NTRK1: variants seen among roughly 807,000 people sequenced by gnomAD.
NTRK1 encodes the protein neurotrophic receptor tyrosine kinase 1.
A neutral mutation model predicts 86.8 loss-of-function variants in NTRK1; 62 were observed. The ratio of observed to expected loss-of-function variants is 0.71; its 90% CI spans 0.58 to 0.88. The LOEUF (loss-of-function observed/expected upper bound fraction) is 0.88, where lower values mean the gene tolerates loss of function less well. Ranked by LOEUF, NTRK1 falls within the 40% of genes least tolerant of loss-of-function variation. The probability of loss-of-function intolerance (pLI) is 0.00; values close to 1 mark genes in which losing one functional copy is unlikely to be tolerated. For synonymous variants in NTRK1, 469 were observed against 456.6 expected, an observed-to-expected ratio of 1.03 and a Z score of -0.35; for missense variants, 967 against 1,078.4, an observed-to-expected ratio of 0.90 and a Z score of 1.45.
intron 1 of NTRK1, among the ~76,000 whole-genome samples, chr1:156,818,530 T>C: frequency 6.6e-6 from 1 of 152,196 alleles, no homozygotes; most frequent in Non-Finnish European, 1.5e-5. Context: ...CATGCCTTTG[T>C]GTCCTCATAG....
At chr1:156,858,715 G>T, upstream of NTRK1, 1 of 1,034,376 alleles carries the variant, frequency 9.7e-7, no homozygotes, top group Non-Finnish European at 1.5e-6. Context: ...AGAGACCAGG[G>T]TTCAGATAGG....
At chr1:156,863,172 G>T (rs752222685) in intron 1 of NTRK1, among the ~76,000 whole-genome samples, 2 of 152,120 alleles carry the variant, frequency 1.3e-5, no homozygotes, top group African/African-American at 4.8e-5. Flanking sequence ...GCCCCAGGGC[G>T]TCAGCTGTCC....
chr1:156,826,970 G>A (rs994503626), intron 1 of NTRK1, among the ~76,000 whole-genome samples: 4 of 152,116 alleles, frequency 2.6e-5, no homozygotes, highest in Non-Finnish European at 4.4e-5. Flanking sequence ...TAGTAAACAC[G>A]GATTCTATGC....
At chr1:156,842,158 T>C (rs1654818830) in exon 2 of NTRK1, 5 of 1,614,102 alleles carry the variant, frequency 3.1e-6, no homozygotes, top group Non-Finnish European at 4.2e-6. Flanking sequence ...AGTTGCGGGC[T>C]GCTAGATCTC....
chr1:156,830,535 A>AGAGGTTGT (rs886425300), intron 1 of NTRK1, among the ~76,000 whole-genome samples: 2 of 146,266 alleles, frequency 1.4e-5, no homozygotes, highest in African/African-American at 5.1e-5. Context: ...TTTCTAGAAG[A>AGAGGTTGT]GAGGTTGTGG....
intron 2 of NTRK1, among the ~76,000 whole-genome samples, chr1:156,850,613 G>A (rs762069470): frequency 8.7e-5 from 12 of 137,542 alleles, no homozygotes; most frequent in Admixed American, 4.9e-4. Context: ...GGAGTGCAGT[G>A]GCACGATTTC....
In NTRK1 at chr1:156,854,295, T is replaced by C. The variant is rs751058920; in HGVS notation, c.51-10059T>C. The C allele has an allele frequency of 6.2e-7, 1 of 1,609,632 alleles. No homozygotes were observed. Among genetic ancestry groups the C allele is most frequent in the South Asian group, 1.1e-5 (1 of 90,672 alleles). On this transcript the variant is annotated intron_variant, in intron 2 of 16. Coordinates refer to the NTRK1 transcript ENST00000392302. The surrounding 1 kb of genome is among the most constrained non-coding windows in gnomAD (Gnocchi z 4.2). ...GCCACCTCTGAGCGAATATCCAGGC[T>C]GGGGCACACTGTGGGCATACACGGC...
upstream of NTRK1, among the ~76,000 whole-genome samples, chr1:156,860,561 C>T (rs1655589745): frequency 2.6e-5 from 4 of 152,254 alleles, no homozygotes; most frequent in Admixed American, 6.5e-5. Context: ...CTTCCCTCCT[C>T]CCCAAATGTA....
At chr1:156,829,065 C>T (rs1654397700) in intron 1 of NTRK1, among the ~76,000 whole-genome samples, 1 of 152,188 alleles carries the variant, frequency 6.6e-6, no homozygotes, top group Non-Finnish European at 1.5e-5. Flanking sequence ...CAGCCTTGCT[C>T]TCTGGGAGCC....
rs1655011108 is a variant in NTRK1 at position 156,846,447 on chromosome 1, T to G, written c.50+4254T>G. The G allele has an allele frequency of 4.0e-6, 5 of 1,261,664 alleles. No individual in the cohort carries two copies. The South Asian group carries it at 6.3e-5, about 16-fold the overall frequency. 78.2% of individuals were successfully genotyped at this position (1,261,664 alleles called of 1,614,324 possible). ...TGTTCAGTGCCCCGGCTTCTCTATT[T>G]CTGGTGCCTGTGCTCCCCTGTTCTC... On this transcript the variant is annotated intron_variant, in intron 2 of 16. Coordinates refer to the NTRK1 transcript ENST00000392302.
intron 1 of NTRK1, among the ~76,000 whole-genome samples, chr1:156,818,177 A>G (rs754549697): frequency 6.6e-6 from 1 of 152,228 alleles, no homozygotes; most frequent in Non-Finnish European, 1.5e-5. Flanking sequence ...GATTTAGGCC[A>G]AAGGTTCATG....
At chr1:156,816,730 C>A (rs1328385393) in intron 1 of NTRK1, 1 of 1,589,470 alleles carries the variant, frequency 6.3e-7, no homozygotes, top group East Asian at 2.3e-5. Context: ...CACAAGGGAT[C>A]CCAGAGCAGG....
chr1:156,851,314 A>G (rs138154043), intron 2 of NTRK1: 2 of 1,613,934 alleles, frequency 1.2e-6, no homozygotes, highest in African/African-American at 2.7e-5. Context: ...GTCTCCCCGG[A>G]TTAGTTTGAG....
chr1:156,874,892 C>G lies in NTRK1; in HGVS notation c.1252-14C>G, dbSNP rs1379388973. The stretch of plus-strand genomic sequence containing the variant: ...GAGGAGCCCCTGGATCTAACTACCC[C>G]TGTCCCCCACCAGGTCTCGGTGGCT... On this transcript the variant is annotated splice_polypyrimidine_tract_variant and intron_variant, in intron 10 of 16. Transcript: ENST00000524377. 6.3e-7 allele frequency: 1 copy of G among 1,594,122 alleles called. No homozygotes were observed. Among genetic ancestry groups the G allele is most frequent in the South Asian group, 1.1e-5 (1 of 90,686 alleles).
chr1:156,816,753 G>A (rs758555901), intron 1 of NTRK1: 5 of 1,545,352 alleles, frequency 3.2e-6, no homozygotes, highest in Non-Finnish European at 4.4e-6. Flanking sequence ...GTGTGTATGT[G>A]TTCCGGAAAG....
At chr1:156,816,693 C>A in intron 1 of NTRK1, 1 of 1,600,684 alleles carries the variant, frequency 6.2e-7, no homozygotes, top group Non-Finnish European at 8.5e-7. Context: ...CATATCTGGG[C>A]CAGGGGGAAC....
intron 1 of NTRK1, among the ~76,000 whole-genome samples, chr1:156,838,164 TC>T (rs1654644095): frequency 6.6e-6 from 1 of 151,838 alleles, no homozygotes; most frequent in Non-Finnish European, 1.5e-5. Context: ...TGGGCCTCTC[TC>T]CCCAGAGAAC....
intron 1 of NTRK1, among the ~76,000 whole-genome samples, chr1:156,838,479 G>T (rs1181838975): frequency 2.0e-5 from 3 of 152,000 alleles, no homozygotes; most frequent in Non-Finnish European, 4.4e-5. Context: ...TGCCTCTGTG[G>T]TAGGTGTTCA....
chr1:156,849,718 C>A (rs186006170), intron 2 of NTRK1, among the ~76,000 whole-genome samples: 1 of 152,250 alleles, frequency 6.6e-6, no homozygotes, highest in Non-Finnish European at 1.5e-5. Context: ...TCCCTGCCCC[C>A]ATCCTTCCCT....
Sources: gnomAD v4.1 joint callset for allele counts (sites outside exome capture counted in the v4.1 genomes callset) on GRCh38, gnomAD v4.1.1 for gene constraint, Gnocchi (gnomAD v3.1) non-coding constraint, MANE v1.5 for transcripts, NCBI Gene and HGNC (gene_info 2026-07-23, HGNC 2026-07-21) for gene names.